Variants in DDX31 observed in about 807,000 individuals in gnomAD.
The protein encoded by DDX31 is DEAD-box helicase 31.
In DDX31, 70 loss-of-function variants were observed where a neutral mutation model predicts 91.3. That is an observed-to-expected ratio of 0.77 (90% CI 0.63 to 0.94). DDX31 has a LOEUF of 0.94. DDX31 is among the 40% of genes least tolerant of loss of function. The pLI, the probability that DDX31 is intolerant of heterozygous loss-of-function variation, is 0.00. For missense variants in DDX31, 902 were observed against 925.0 expected (o/e 0.98, Z 0.32); for synonymous variants, 362 against 350.6 (o/e 1.03, Z -0.36).
At chr9:132,666,455 T>C (rs1835310937) in intron 1 of DDX31, among the ~76,000 whole-genome samples, 1 of 152,194 alleles carries the variant, frequency 6.6e-6, no homozygotes, top group Admixed American at 6.5e-5. Context: ...ATGGCAATTA[T>C]GAGTGGGTTT....
intron 17 of DDX31, among the ~76,000 whole-genome samples, chr9:132,623,817 C>A (rs1832211420): frequency 6.6e-6 from 1 of 152,068 alleles, no homozygotes; most frequent in South Asian, 2.1e-4. Context: ...CTGCTCCCTG[C>A]TGATCCCACA....
At chr9:132,596,653 C>T (rs1830451287) in intron 19 of DDX31, among the ~76,000 whole-genome samples, 1 of 152,190 alleles carries the variant, frequency 6.6e-6, no homozygotes, top group South Asian at 2.1e-4. Flanking sequence ...GGGTAACCTG[C>T]CCCAGGACCA....
intron 14 of DDX31, among the ~76,000 whole-genome samples, chr9:132,639,965 A>G (rs1394244116): frequency 2.0e-5 from 3 of 152,236 alleles, no homozygotes; most frequent in Non-Finnish European, 4.4e-5. Context: ...CTCTGTCTTT[A>G]GAAAAACACA....
intron 1 of DDX31, 75 bp from the exon 2 acceptor site, chr9:132,662,770 AC>A: frequency 6.3e-7 from 1 of 1,583,960 alleles, no homozygotes; most frequent in Non-Finnish European, 8.6e-7. Context: ...GTGAAGCCTG[AC>A]TGCCCACAGA....
At chr9:132,612,046 G>A (rs1473490423) in intron 19 of DDX31, 41 bp downstream of exon 19, 15 of 1,591,340 alleles carry the variant, frequency 9.4e-6, no homozygotes, top group Non-Finnish European at 1.3e-5. Flanking sequence ...TGTGAACGGA[G>A]CTCTCTAGCC....
intron 19 of DDX31, among the ~76,000 whole-genome samples, chr9:132,611,558 C>A (rs1167444975): frequency 6.6e-6 from 1 of 152,188 alleles, no homozygotes; most frequent in African/African-American, 2.4e-5. Flanking sequence ...AAGTCCTGAA[C>A]ATGCTCTTTT....
chr9:132,655,648 G>A (rs996770603), intron 6 of DDX31, among the ~76,000 whole-genome samples: 1 of 151,920 alleles, frequency 6.6e-6, no homozygotes, highest in African/African-American at 2.4e-5. Flanking sequence ...AAACATATAT[G>A]GTACATTATA....
rs1243447379 is a variant in DDX31, at chr9:132,654,149, G to A, written c.589-1657C>T. 1.4e-4 allele frequency among the ~76,000 whole-genome samples: 22 copies of A among 152,052 alleles called. 1 individual carries two copies. Among genetic ancestry groups the A allele is most frequent in the Admixed American group, 1.4e-3 (21 of 15,272 alleles). On this transcript the variant is annotated intron_variant, in intron 6 of 19. Coordinates refer to ENST00000372159, the MANE Select transcript of DDX31 (RefSeq NM_022779.9). ...CTCAGAAACCTTAAAATAAAACACT[G>A]ATACGTTTTATTACCTAAGAATTTT... is the stretch of plus-strand genomic sequence containing the variant.
chr9:132,595,154 A>G lies in DDX31; in HGVS notation c.1995-42T>C. The G allele has an allele frequency of 6.3e-7, 1 of 1,582,924 alleles. No homozygotes were observed. The highest frequency in any genetic ancestry group is 8.6e-7 in the Non-Finnish European group (1 of 1,164,614). Reference sequence around the variant, plus strand: ...GCAGAGAGGGAAAAGAAACTTTATTATTTTTCTTTCCCATTTGGAAAGAGG... The same window carrying G: ...GCAGAGAGGGAAAAGAAACTTTATTGTTTTTCTTTCCCATTTGGAAAGAGG... On this transcript the variant is annotated intron_variant, in intron 19 of 19. Transcript: ENST00000372159. The surrounding 1 kb of genome is among the most constrained non-coding windows in gnomAD (Gnocchi z 4.6).
rs1207778333 is a variant in DDX31, at chr9:132,595,775, G to A, written c.1995-663C>T. 6.6e-6 allele frequency among the ~76,000 whole-genome samples: 1 copy of A among 152,150 alleles called. No homozygotes were observed. Among genetic ancestry groups the A allele is most frequent in the Non-Finnish European group, 1.5e-5 (1 of 68,034 alleles). On this transcript the variant is annotated intron_variant, in intron 19 of 19. Transcript: ENST00000372159. This position sits in a 1 kb window ranked among gnomAD's most constrained non-coding sequence, Gnocchi z 4.6. ...AGCTTTCTGCAGCCCACACAAACCC[G>A]GGTGTTAGAGGGAGGTCTCTCCCTA... is the stretch of plus-strand genomic sequence containing the variant.
chr9:132,632,353 A>G (rs1832843751), intron 14 of DDX31, among the ~76,000 whole-genome samples: 1 of 149,850 alleles, frequency 6.7e-6, no homozygotes, highest in Non-Finnish European at 1.5e-5. Context: ...TCTTGTGGTT[A>G]AAAATTCTGA....
In DDX31 at chr9:132,613,550, C is replaced by T. The variant is rs1257331969; in HGVS notation, c.1826-1295G>A. Reference sequence around the variant, plus strand: ...CTCTACTAAAAATGCAAAAATTAGCCGGATGTGGTGGCAGGTGCCTGTAAT... The same window carrying T: ...CTCTACTAAAAATGCAAAAATTAGCTGGATGTGGTGGCAGGTGCCTGTAAT... On this transcript the variant is annotated intron_variant, in intron 18 of 19. Transcript: ENST00000372159. 3.3e-5 allele frequency among the ~76,000 whole-genome samples: 5 copies of T among 152,140 alleles called. No homozygotes were observed. In the East Asian group the frequency reaches 5.8e-4, roughly 18 times the overall value.
intron 1 of DDX31, among the ~76,000 whole-genome samples, chr9:132,667,719 A>G (rs1001198463): frequency 6.6e-6 from 1 of 152,136 alleles, no homozygotes; most frequent in African/African-American, 2.4e-5. Context: ...GGTAGCCTAT[A>G]TGTATTTACT....
intron 19 of DDX31, among the ~76,000 whole-genome samples, chr9:132,601,402 G>A (rs937467773): frequency 6.6e-6 from 1 of 152,192 alleles, no homozygotes; most frequent in Non-Finnish European, 1.5e-5. Flanking sequence ...GGTTCGAATC[G>A]CGGCTCTGCC....
chr9:132,609,215 G>A (rs1308320308), intron 19 of DDX31, among the ~76,000 whole-genome samples: 3 of 152,150 alleles, frequency 2.0e-5, no homozygotes, highest in Non-Finnish European at 2.9e-5. Context: ...CTCACCACCC[G>A]GCTCCCTGCC....
chr9:132,638,041 G>A, intron 14 of DDX31: 1 of 1,185,308 alleles, frequency 8.4e-7, no homozygotes. Context: ...AGAAGGTGGA[G>A]GAAAGCAGCA....
intron 19 of DDX31, among the ~76,000 whole-genome samples, chr9:132,611,459 C>A (rs1831334956): frequency 6.6e-6 from 1 of 152,182 alleles, no homozygotes; most frequent in African/African-American, 2.4e-5. Context: ...TGAGGGAAAT[C>A]ATCTCAGCAC....
chr9:132,615,010 C>T (rs955889186), intron 18 of DDX31, among the ~76,000 whole-genome samples: 4 of 152,176 alleles, frequency 2.6e-5, no homozygotes, highest in Middle Eastern at 3.4e-3. Context: ...ATGTTGGCAG[C>T]GTCGAGAATG....
At chr9:132,608,865 T>C (rs1003342075) in intron 19 of DDX31, among the ~76,000 whole-genome samples, 2 of 152,146 alleles carry the variant, frequency 1.3e-5, no homozygotes, top group Admixed American at 1.3e-4. Context: ...GCAACTGGCA[T>C]TTGCTCAAAC....
Sources: allele counts gnomAD v4.1 joint callset (sites outside exome capture counted in the v4.1 genomes callset), GRCh38; gene constraint gnomAD v4.1.1; non-coding constraint Gnocchi (gnomAD v3.1); transcripts MANE v1.5; gene names NCBI Gene and HGNC (gene_info 2026-07-23, HGNC 2026-07-21).